Variants in KCNAB2 observed in about 807,000 individuals in gnomAD.
KCNAB2 encodes voltage-gated potassium channel subunit beta-2.
KCNAB2 carries 29 observed loss-of-function variants against 63.6 expected under a neutral mutation model. The ratio of observed to expected loss-of-function variants is 0.46; its 90% confidence interval spans 0.34 to 0.62. The LOEUF is 0.62. Among genes scored for constraint, KCNAB2 ranks in the 20% least tolerant of loss-of-function variants. The pLI is 0.01. For missense variants in KCNAB2, 359 were observed against 563.9 expected (o/e 0.64, Z 3.68); for synonymous variants, 222 against 224.2 (o/e 0.99, Z 0.09).
At chr1:6,083,538 G>A (rs1664391429) in intron 5 of KCNAB2, among the ~76,000 whole-genome samples, 3 of 152,310 alleles carry the variant, frequency 2.0e-5, no homozygotes, top group Admixed American at 2.0e-4. Context: ...CCAGAAGACC[G>A]GGGAGTCAGG....
intron 4 of KCNAB2, among the ~76,000 whole-genome samples, chr1:6,080,290 G>T (rs1664083044): frequency 1.3e-5 from 2 of 152,166 alleles, no homozygotes; most frequent in African/African-American, 4.8e-5. Flanking sequence ...CCACCCGTCT[G>T]TCCGTGCTGG....
chr1:6,013,581 C>T (rs561583043), intron 1 of KCNAB2, among the ~76,000 whole-genome samples: 53 of 152,280 alleles, frequency 3.5e-4, no homozygotes, highest in Admixed American at 3.1e-3. Flanking sequence ...CACACCACTG[C>T]ACCCACAACT....
chr1:6,019,239 C>T (rs1184673594), intron 1 of KCNAB2, among the ~76,000 whole-genome samples: 1 of 152,120 alleles, frequency 6.6e-6, no homozygotes, highest in African/African-American at 2.4e-5. Context: ...CTGCAGTGAG[C>T]TGTGATCATG....
intron 1 of KCNAB2, among the ~76,000 whole-genome samples, chr1:6,019,844 A>G (rs544578976): frequency 7.9e-5 from 12 of 152,344 alleles, no homozygotes; most frequent in African/African-American, 2.6e-4. Flanking sequence ...GGGGTGAGCT[A>G]TGGCAGGTGT....
chr1:6,051,435 CT>C (rs1661372151), intron 1 of KCNAB2, 75 bp from the exon 2 acceptor site: 2 of 1,406,706 alleles, frequency 1.4e-6, no homozygotes, highest in African/African-American at 2.9e-5. Flanking sequence ...CAGCTGCCCC[CT>C]GCCCCAGGGC....
rs1350523332 is a variant in KCNAB2 at position 6,069,530 on chromosome 1, C to T, written c.219-3225C>T. ...AGACATGAGGCAAATTAATGAAGAC[C>T]GACAGTATTTGGGTTTCGAGATGTT... On this transcript the variant is annotated intron_variant, in intron 2 of 15. Coordinates refer to ENST00000378083, the MANE Select transcript of KCNAB2 (RefSeq NM_001199862.2). This position sits in a 1 kb window ranked among gnomAD's most constrained non-coding sequence, Gnocchi z 5.4. 6.6e-6 allele frequency among the ~76,000 whole-genome samples: 1 copy of T among 152,098 alleles called. No homozygotes were observed. Among genetic ancestry groups the T allele is most frequent in the East Asian group, 1.9e-4 (1 of 5,186 alleles).
upstream of KCNAB2, among the ~76,000 whole-genome samples, chr1:6,044,671 G>A (rs756405157): frequency 6.6e-6 from 1 of 152,186 alleles, no homozygotes; most frequent in Non-Finnish European, 1.5e-5. Flanking sequence ...TTTGAGCAGG[G>A]CAGGGGTCAG....
intron 4 of KCNAB2, among the ~76,000 whole-genome samples, chr1:6,078,000 C>G (rs1417667484): frequency 6.6e-6 from 1 of 152,180 alleles, no homozygotes; most frequent in African/African-American, 2.4e-5. Flanking sequence ...AACTCGGTAC[C>G]CCTGAGCCTA....
At chr1:6,095,904 C>G (rs1345957203) in intron 13 of KCNAB2, among the ~76,000 whole-genome samples, 1 of 138,474 alleles carries the variant, frequency 7.2e-6, no homozygotes, top group Admixed American at 7.2e-5. Flanking sequence ...ATCTCTACCC[C>G]CTACCACATC....
chr1:6,095,585 C>T lies in KCNAB2; in HGVS notation c.909C>T (p.Tyr303=), dbSNP rs774778342. The change falls in exon 13 of 16, where the codon TAC becomes TAT. Residue 303 remains tyrosine (Y), a synonymous_variant. Coordinates refer to ENST00000378083, the MANE Select transcript of KCNAB2 (RefSeq NM_001199862.2). ...PLACGIVSGK[Y]DSGIPPYSRA... Reference sequence around the variant, plus strand: ...CCTGTGGCATTGTTTCTGGCAAGTACGACAGTGGCATCCCACCCTACTCAA... The same window carrying T: ...CCTGTGGCATTGTTTCTGGCAAGTATGACAGTGGCATCCCACCCTACTCAA... 146 of 1,612,884 alleles carry T rather than the reference C, an allele frequency of 9.1e-5. No homozygotes were observed. Among genetic ancestry groups the T allele is most frequent in the Non-Finnish European group, 1.2e-4 (138 of 1,179,758 alleles).
intron 1 of KCNAB2, among the ~76,000 whole-genome samples, chr1:6,016,799 T>C (rs1658531001): frequency 6.6e-6 from 1 of 152,194 alleles, no homozygotes. Flanking sequence ...CTGGACCTGC[T>C]GCATCTGATC....
At chr1:6,094,539 T>G (rs898103478) in intron 11 of KCNAB2, 54 bp downstream of exon 11, 1 of 1,451,928 alleles carries the variant, frequency 6.9e-7, no homozygotes, top group African/African-American at 1.4e-5. Flanking sequence ...CGGCACCGGC[T>G]GCGTATGGAG....
At chr1:6,089,530 C>T (rs770077246) in intron 8 of KCNAB2, among the ~76,000 whole-genome samples, 7 of 152,176 alleles carry the variant, frequency 4.6e-5, no homozygotes, top group Non-Finnish European at 7.3e-5. Flanking sequence ...CTTTCCTGTC[C>T]GTGTTCATTT....
At chr1:6,033,227 A>G (rs1038048542), upstream of KCNAB2, among the ~76,000 whole-genome samples, 4 of 147,916 alleles carry the variant, frequency 2.7e-5, no homozygotes, top group South Asian at 2.2e-4. Flanking sequence ...GTGTGTGCGC[A>G]TGTGTGCATG....
chr1:6,032,978 G>C (rs566620604), upstream of KCNAB2, among the ~76,000 whole-genome samples: 12 of 152,342 alleles, frequency 7.9e-5, no homozygotes, highest in African/African-American at 2.4e-4. Context: ...TGTGAGCCTT[G>C]AATGGATCCC....
At chr1:6,095,465 G>GCCGCC in intron 12 of KCNAB2, 22 bp downstream of exon 12, 16 of 1,585,846 alleles carry the variant, frequency 1.0e-5, no homozygotes, top group Non-Finnish European at 1.3e-5. Flanking sequence ...CGGGCCCCTC[G>GCCGCC]CCCCGCCCCA....
intron 2 of KCNAB2, among the ~76,000 whole-genome samples, chr1:6,066,283 G>A (rs74723253): frequency 0.054 from 8,188 of 152,262 alleles, 708 homozygotes; most frequent in African/African-American, 0.19. Context: ...ATAGGTACGG[G>A]GGCACACAGC....
chr1:6,041,443 C>T (rs924896292), upstream of KCNAB2: 6 of 229,622 alleles, frequency 2.6e-5, no homozygotes, highest in Admixed American at 2.1e-4. Context: ...TGCCAGCACG[C>T]GGGTGCTCTG....
Position 6,099,545 on chromosome 1 carries a change from A to G in KCNAB2, c.*971A>G. ...GGCAGCAGGGGCCGGCCCTGTGCAC[A>G]AGGATGCACTCCTCTCGGCCCCTGT... On this transcript the variant is annotated 3_prime_UTR_variant, in exon 16 of 16. Transcript: ENST00000378083. The G allele has an allele frequency of 4.6e-6, 2 of 437,244 alleles. No individual in the cohort carries two copies. Among genetic ancestry groups the G allele is most frequent in the Non-Finnish European group, 8.0e-6 (2 of 250,622 alleles). The allele number at this position is 437,244 out of a possible 1,614,324, so 27.1% of individuals were successfully genotyped here.
Sources: gnomAD v4.1 joint callset for allele counts (sites outside exome capture counted in the v4.1 genomes callset) on GRCh38, gnomAD v4.1.1 for gene constraint, Gnocchi (gnomAD v3.1) non-coding constraint, MANE v1.5 for transcripts, NCBI Gene and HGNC (gene_info 2026-07-23, HGNC 2026-07-21) for gene names.